CASZ1: variants seen among roughly 807,000 people sequenced by gnomAD.
CASZ1 encodes castor zinc finger 1.
In CASZ1, 28 loss-of-function variants were observed where a neutral mutation model predicts 135.2. That is an observed-to-expected ratio of 0.21 (90% CI 0.15 to 0.28). The LOEUF is 0.28. Ranked by LOEUF, CASZ1 falls within the 10% of genes least tolerant of loss-of-function variation. The probability of loss-of-function intolerance (pLI) is 1.00; values close to 1 mark genes in which losing one functional copy is unlikely to be tolerated. For synonymous variants in CASZ1, 1,068 were observed against 1,073.4 expected (o/e 0.99, Z 0.10); for missense variants, 2,161 against 2,453.3 (o/e 0.88, Z 2.52).
rs1467810896 is a variant in CASZ1, at chr1:10,727,454, C to T, written c.-76-21910G>A. Among the ~76,000 whole-genome samples the T allele has an allele frequency of 6.6e-6, 1 of 152,018 alleles. No homozygotes were observed. Among genetic ancestry groups the T allele is most frequent in the Non-Finnish European group, 1.5e-5 (1 of 67,984 alleles). ...CACAAACACCCCAGCTCCTTGAACC[C>T]CCGGGCCCAGGGGATTCAGCACAGC... On this transcript the variant is annotated intron_variant, in intron 2 of 20. Transcript: ENST00000377022. The surrounding 1 kb of genome is among the most constrained non-coding windows in gnomAD (Gnocchi z 5.3).
chr1:10,774,429 C>T lies in CASZ1; in HGVS notation c.-233-13572G>A, dbSNP rs1640627310. Among the ~76,000 whole-genome samples the T allele has an allele frequency of 1.3e-5, 2 of 152,086 alleles. No individual in the cohort carries two copies. The highest frequency in any genetic ancestry group is 2.9e-5 in the Non-Finnish European group (2 of 67,996). On this transcript the variant is annotated intron_variant, in intron 1 of 20. Transcript: ENST00000377022. This position sits in a 1 kb window ranked among gnomAD's most constrained non-coding sequence, Gnocchi z 4.4. ...ATTAGGGATTTGGAAAAAGTCCCAC[C>T]ACCAGGGCCTCCTGTGTAGTCTACA...
At chr1:10,779,022 AC>A (rs1640712036) in intron 1 of CASZ1, among the ~76,000 whole-genome samples, 1 of 152,176 alleles carries the variant, frequency 6.6e-6, no homozygotes, top group Non-Finnish European at 1.5e-5. Flanking sequence ...GAAGGAATCA[AC>A]CCCACGAGCT....
intron 4 of CASZ1, among the ~76,000 whole-genome samples, chr1:10,678,328 A>G (rs1638301299): frequency 6.6e-6 from 1 of 151,394 alleles, no homozygotes; most frequent in African/African-American, 2.4e-5. Context: ...GTTGTCAGCC[A>G]TCTGGAAGAA....
intron 2 of CASZ1, among the ~76,000 whole-genome samples, chr1:10,731,189 G>A (rs1055244784): frequency 7.2e-5 from 11 of 152,180 alleles, no homozygotes; most frequent in African/African-American, 2.7e-4. Flanking sequence ...CATAACTGAT[G>A]TGTGAGGTTA....
chr1:10,706,929 A>G lies in CASZ1; in HGVS notation c.-76-1385T>C, dbSNP rs1639188838. Among the ~76,000 whole-genome samples, 2 of 151,950 alleles carry G rather than the reference A, an allele frequency of 1.3e-5. No individual in the cohort carries two copies. Among genetic ancestry groups the G allele is most frequent in the African/African-American group, 2.4e-5 (1 of 41,348 alleles). On this transcript the variant is annotated intron_variant, in intron 2 of 20. Transcript: ENST00000377022. This position sits in a 1 kb window ranked among gnomAD's most constrained non-coding sequence, Gnocchi z 4.3. Reference sequence around the variant, plus strand: ...TGGGGGGCTGTGTAAAGGGGGAATAAGGAAAAGAGAAGGAGCTGGCCAGGA... The same window carrying G: ...TGGGGGGCTGTGTAAAGGGGGAATAGGGAAAAGAGAAGGAGCTGGCCAGGA...
intron 1 of CASZ1, among the ~76,000 whole-genome samples, chr1:10,792,448 C>T (rs1640979458): frequency 1.4e-5 from 2 of 147,382 alleles, no homozygotes; most frequent in South Asian, 4.3e-4. Context: ...TATGGAAGAA[C>T]ATTCACTCCC....
At position 10,724,445 on chromosome 1, in the gene CASZ1, C is replaced by T. The variant is rs375704731; in HGVS notation, c.-76-18901G>A. On this transcript the variant is annotated intron_variant, in intron 2 of 20. Coordinates refer to ENST00000377022, the MANE Select transcript of CASZ1 (RefSeq NM_001079843.3). The surrounding 1 kb of genome is among the most constrained non-coding windows in gnomAD (Gnocchi z 4.1). ...ATAAGGTAACCTGAGCTATTAAACC[C>T]GGGGGCCAGGTGGTACCTACCAGCT... 4.6e-5 allele frequency among the ~76,000 whole-genome samples: 7 copies of T among 152,164 alleles called. No individual in the cohort carries two copies. The highest frequency in any genetic ancestry group is 7.2e-5 in the African/African-American group (3 of 41,440).
Position 10,659,873 on chromosome 1 carries a change from G to A in CASZ1, c.1169C>T (p.Pro390Leu), listed in dbSNP as rs746985499. ...GIQKPGPAKV[P>L]PTPSLAPAPL... ...TGCGGGAGCCAGGCTGGGGGTGGGC[G>A]GAACCTTGGCGGGGCCTGGCTTCTG... Residue 390 changes from proline (P) to leucine (L), a missense_variant, in exon 6 of 21, where the codon CCG becomes CTG. Pro to Leu is a moderately conservative substitution (Grantham distance 98). This residue lies in a region of CASZ1 where 590 missense variants were observed against 609.8 expected (regional missense o/e 0.97). Transcript: ENST00000377022. 2.2e-5 allele frequency: 36 copies of A among 1,611,010 alleles called. No homozygotes were observed. Among genetic ancestry groups the A allele is most frequent in the African/African-American group, 5.3e-5 (4 of 74,824 alleles).
intron 5 of CASZ1, among the ~76,000 whole-genome samples, chr1:10,664,023 G>A (rs965851539): frequency 6.6e-6 from 1 of 152,212 alleles, no homozygotes; most frequent in Non-Finnish European, 1.5e-5. Context: ...CAACGGCAAG[G>A]GCTTTTCCTA....
Position 10,666,180 on chromosome 1 carries a change from A to C in CASZ1, c.17-609T>G, listed in dbSNP as rs1643228193. Among the ~76,000 whole-genome samples, 1 of 152,054 alleles carries C rather than the reference A, an allele frequency of 6.6e-6. No individual in the cohort carries two copies. Among genetic ancestry groups the C allele is most frequent in the Non-Finnish European group, 1.5e-5 (1 of 67,978 alleles). On this transcript the variant is annotated intron_variant, in intron 4 of 20. Transcript: ENST00000377022. This position sits in a 1 kb window ranked among gnomAD's most constrained non-coding sequence, Gnocchi z 5.2. ...GTCAGCCCCTGGCGGCTCCTCTGCC[A>C]GGCCAGGTCCCTGGGCCCTACCTGA...
At chr1:10,662,304 A>T (rs1003958171) in intron 5 of CASZ1, among the ~76,000 whole-genome samples, 3 of 147,738 alleles carry the variant, frequency 2.0e-5, no homozygotes, top group Non-Finnish European at 4.5e-5. Context: ...ACACACATAC[A>T]TTGACACCCA....
chr1:10,646,382 G>T lies in CASZ1; in HGVS notation c.3498-56C>A. The T allele has an allele frequency of 6.4e-7, 1 of 1,555,848 alleles. No individual in the cohort carries two copies. ...TGCCATTCTCAAGCCCTCCCTGCTG[G>T]TGTCCTGACTTCACTTGTGTTGGAG... is the stretch of plus-strand genomic sequence containing the variant. On this transcript the variant is annotated intron_variant, in intron 16 of 20. Transcript: ENST00000377022. This position sits in a 1 kb window ranked among gnomAD's most constrained non-coding sequence, Gnocchi z 6.4.
In CASZ1 at chr1:10,657,325, G is replaced by A. The variant is rs573859424; in HGVS notation, c.1410-589C>T. ...CCGTCCTCCTCCAGGCCCCAGGGCC[G>A]CTGGGACGTGGCTCCCACAGCCTCG... On this transcript the variant is annotated intron_variant, in intron 7 of 20. Transcript: ENST00000377022. The surrounding 1 kb of genome is among the most constrained non-coding windows in gnomAD (Gnocchi z 5.7). 1.3e-5 allele frequency among the ~76,000 whole-genome samples: 2 copies of A among 152,338 alleles called. No homozygotes were observed. The highest frequency in any genetic ancestry group is 4.8e-5 in the African/African-American group (2 of 41,586).
rs756374575 is a variant in CASZ1, at chr1:10,693,908, A to C, written c.-19T>G. 3.7e-6 allele frequency: 6 copies of C among 1,612,970 alleles called. No individual in the cohort carries two copies. In the African/African-American group the frequency reaches 4.0e-5, roughly 11 times the overall value. ...GATCCATTCTCTTCTCCTTGGTCCC[A>C]AACTCTTCGCAGAACGCCACCAGGG... On this transcript the variant is annotated 5_prime_UTR_variant, in exon 4 of 21. Coordinates refer to ENST00000377022, the MANE Select transcript of CASZ1 (RefSeq NM_001079843.3).
chr1:10,649,196 G>A lies in CASZ1; in HGVS notation c.3036-4C>T. Reference sequence around the variant, plus strand: ...ACAGAAGTCCTTTGTACCAAACCTAGCCAGAGGAGCTGGCGTTAGAGGAGA... The same window carrying A: ...ACAGAAGTCCTTTGTACCAAACCTAACCAGAGGAGCTGGCGTTAGAGGAGA... On this transcript the variant is annotated splice_polypyrimidine_tract_variant and splice_region_variant and intron_variant, in intron 14 of 20. Coordinates refer to ENST00000377022, the MANE Select transcript of CASZ1 (RefSeq NM_001079843.3). 1 of 1,613,402 alleles carries A rather than the reference G, an allele frequency of 6.2e-7. No individual in the cohort carries two copies. The highest frequency in any genetic ancestry group is 1.1e-5 in the South Asian group (1 of 91,070).
rs11121615 is a variant in CASZ1 at position 10,765,520 on chromosome 1, C to T, written c.-233-4663G>A. On this transcript the variant is annotated intron_variant, in intron 1 of 20. Coordinates refer to ENST00000377022, the MANE Select transcript of CASZ1 (RefSeq NM_001079843.3). ...CACGGCCCACGACGGGTACGCCCAA[C>T]GCAGCAGGTATTCGACGGTACACAA... is the stretch of plus-strand genomic sequence containing the variant. Among the ~76,000 whole-genome samples, 74,626 of 152,072 alleles carry T rather than the reference C, an allele frequency of 0.49. 21,886 individuals are homozygous for T. Among genetic ancestry groups the T allele is most frequent in the Non-Finnish European group, 0.67 (45,814 of 68,000 alleles).
At chr1:10,642,708 C>T (rs1411284779) in intron 20 of CASZ1, 151 bp downstream of exon 20, 25 of 830,598 alleles carry the variant, frequency 3.0e-5, no homozygotes, top group Non-Finnish European at 3.7e-5. Flanking sequence ...CCTCGATGAC[C>T]CAGTCCCACA....
intron 11 of CASZ1, chr1:10,651,973 G>T (rs116332973): frequency 0.021 from 3,252 of 152,366 alleles, 46 homozygotes; most frequent in Middle Eastern, 0.058. Flanking sequence ...CAGGCACCTG[G>T]CTGGAAGGGC....
intron 11 of CASZ1, chr1:10,651,682 GC>G (rs1642593644): frequency 6.6e-6 from 1 of 152,408 alleles, no homozygotes; most frequent in Non-Finnish European, 1.5e-5. Context: ...GCCGCAGGAG[GC>G]CAGCAGAGCA....
Sources: allele counts gnomAD v4.1 joint callset (sites outside exome capture counted in the v4.1 genomes callset), GRCh38; gene constraint gnomAD v4.1.1; regional missense constraint gnomAD v4.1.1; non-coding constraint Gnocchi (gnomAD v3.1); transcripts MANE v1.5; gene names NCBI Gene and HGNC (gene_info 2026-07-23, HGNC 2026-07-21).